Variants in SASH1 observed in about 807,000 individuals in gnomAD.
SASH1 encodes SAM and SH3 domain containing 1.
A neutral mutation model predicts 125.2 loss-of-function variants in SASH1; 44 were observed. The observed-to-expected ratio is 0.35, with a 90% confidence interval of 0.28 to 0.45. The LOEUF is 0.45. Among genes scored for constraint, SASH1 ranks in the 20% least tolerant of loss-of-function variants. The pLI is 1.00. For missense variants in SASH1, 1,426 were observed against 1,614.5 expected (o/e 0.88, Z 2.00); for synonymous variants, 639 against 649.1 (o/e 0.98, Z 0.24).
chr6:148,282,526 C>T (rs953719957), intron 1 of SASH1, among the ~76,000 whole-genome samples: 3 of 152,050 alleles, frequency 2.0e-5, no homozygotes, highest in Admixed American at 6.6e-5. Context: ...GGATTACAGG[C>T]GCCTGCCACC....
rs147745510 is a variant in SASH1, at chr6:148,461,100, C to T, written c.387-7445C>T. On this transcript the variant is annotated intron_variant, in intron 4 of 19. Coordinates refer to ENST00000367467, the MANE Select transcript of SASH1 (RefSeq NM_015278.5). ...GCGCAAAGCTCTTAACATTCACTGT[C>T]TCATGTGATCCTCTTAACAGTCCAT... Among the ~76,000 whole-genome samples the T allele has an allele frequency of 2.3e-3, 343 of 152,342 alleles. 2 individuals are homozygous for T. The highest frequency in any genetic ancestry group is 7.9e-3 in the African/African-American group (328 of 41,568).
intron 1 of SASH1, among the ~76,000 whole-genome samples, chr6:148,304,073 G>A (rs1404299130): frequency 6.6e-6 from 1 of 152,064 alleles, no homozygotes; most frequent in Non-Finnish European, 1.5e-5. Context: ...GAGAGGCCGA[G>A]GTGGGTGGAT....
At chr6:148,244,980 G>GAA in the SASH1 span, among the ~76,000 whole-genome samples, 3 of 151,594 alleles carry the variant, frequency 2.0e-5, no homozygotes, top group African/African-American at 7.3e-5. Context: ...GAGAGAGAGA[G>GAA]AGAGAGAAAG....
At chr6:148,358,266 G>A (rs934016455) in intron 1 of SASH1, among the ~76,000 whole-genome samples, 48 of 152,144 alleles carry the variant, frequency 3.2e-4, no homozygotes, top group African/African-American at 1.0e-3. Context: ...GTTGCTCAAG[G>A]ACTGTAGGTC....
chr6:148,488,769 G>T (rs897702323), intron 8 of SASH1, among the ~76,000 whole-genome samples: 6 of 152,152 alleles, frequency 3.9e-5, no homozygotes, highest in Admixed American at 3.9e-4. Context: ...GGCCATTTGT[G>T]TATCATCTTT....
rs542650488 is a variant in SASH1, at chr6:148,337,069, G to A, written n.75-53065G>A. On this transcript the variant is annotated intron_variant and non_coding_transcript_variant, in intron 1 of 3. Transcript: ENST00000367469. ...ACAGTTAAGAACAAGTTTTTGTTTT[G>A]TTTTGTTTGGGACAGAGTCTCGCTC... Among the ~76,000 whole-genome samples, 3 of 152,140 alleles carry A rather than the reference G, an allele frequency of 2.0e-5. No homozygotes were observed. In the East Asian group the frequency reaches 5.8e-4, roughly 29 times the overall value.
At chr6:148,246,120 TTCTCTCTCTCCCTG>T in the SASH1 span, among the ~76,000 whole-genome samples, 4 of 152,304 alleles carry the variant, frequency 2.6e-5, no homozygotes, top group South Asian at 6.2e-4. Context: ...CTCTTCTCTT[TTCTCTCTCTCCCTG>T]TCTCTCTCTC....
the SASH1 span, among the ~76,000 whole-genome samples, chr6:148,241,715 G>T: frequency 2.6e-5 from 4 of 152,142 alleles, no homozygotes; most frequent in Admixed American, 2.0e-4. Flanking sequence ...ACGCAATTGG[G>T]GTTCAAATCT....
intron 2 of SASH1, among the ~76,000 whole-genome samples, chr6:148,426,369 A>G (rs1432368396): frequency 6.6e-6 from 1 of 152,144 alleles, no homozygotes; most frequent in Admixed American, 6.5e-5. Flanking sequence ...TGCTCCCTGG[A>G]AGGCTTTCCC....
Position 148,548,749 on chromosome 6 carries a change from T to C in SASH1, c.*191T>C. ...CTCCAGAAAAGCCCCCTCGAGGAAA[T>C]AAATTAGTGCGGTTCTCTTTGACCC... On this transcript the variant is annotated 3_prime_UTR_variant, in exon 20 of 20. Transcript: ENST00000367467. The C allele has an allele frequency of 1.8e-6, 1 of 557,126 alleles. No homozygotes were observed. Among genetic ancestry groups the C allele is most frequent in the Non-Finnish European group, 3.0e-6 (1 of 330,360 alleles). 34.5% of individuals were successfully genotyped at this position (557,126 alleles called of 1,614,324 possible).
chr6:148,219,076 G>A, the SASH1 span, among the ~76,000 whole-genome samples: 1 of 152,156 alleles, frequency 6.6e-6, no homozygotes, highest in Non-Finnish European at 1.5e-5. Flanking sequence ...CTTGGTTATA[G>A]GAACAGTGTT....
intron 2 of SASH1, among the ~76,000 whole-genome samples, chr6:148,412,551 A>C (rs975745252): frequency 6.6e-6 from 1 of 152,234 alleles, no homozygotes; most frequent in East Asian, 1.9e-4. Context: ...TCTCATTGCT[A>C]TAAAGGAATA....
intron 2 of SASH1, among the ~76,000 whole-genome samples, chr6:148,435,664 A>C (rs570817324): frequency 2.6e-5 from 4 of 152,266 alleles, no homozygotes; most frequent in Non-Finnish European, 5.9e-5. Flanking sequence ...AGAAATGGTG[A>C]TATTTCATGA....
chr6:148,382,761 A>G (rs981921854), intron 1 of SASH1, among the ~76,000 whole-genome samples: 3 of 152,190 alleles, frequency 2.0e-5, no homozygotes, highest in Non-Finnish European at 4.4e-5. Context: ...TAGCATCACC[A>G]TGACCGTATA....
At chr6:148,355,976 TGAG>T (rs1311450925) in intron 1 of SASH1, among the ~76,000 whole-genome samples, 4 of 152,156 alleles carry the variant, frequency 2.6e-5, no homozygotes, top group Non-Finnish European at 5.9e-5. Context: ...ACCCATCACT[TGAG>T]GAGTGTACAC....
intron 1 of SASH1, among the ~76,000 whole-genome samples, chr6:148,389,897 C>T (rs1783628454): frequency 1.3e-5 from 2 of 152,292 alleles, no homozygotes; most frequent in South Asian, 4.2e-4. Context: ...TGTGGGCAGT[C>T]GCTCAACTTC....
At chr6:148,195,931 G>A in the SASH1 span, among the ~76,000 whole-genome samples, 2 of 152,142 alleles carry the variant, frequency 1.3e-5, no homozygotes, top group Admixed American at 1.3e-4. Flanking sequence ...CCTCTCCTGT[G>A]GTCAGCAGGT....
intron 8 of SASH1, chr6:148,513,766 G>A (rs1034481902): frequency 1.0e-6 from 1 of 985,790 alleles, no homozygotes. Context: ...AGAGGCGGAA[G>A]GGCTGGCTGC....
chr6:148,308,305 C>T (rs149896638), intron 1 of SASH1, among the ~76,000 whole-genome samples: 1,548 of 148,842 alleles, frequency 0.01, 25 homozygotes, highest in African/African-American at 0.037. Context: ...TAATGGGTAA[C>T]AATACGGCAT....
Sources: allele counts gnomAD v4.1 joint callset (sites outside exome capture counted in the v4.1 genomes callset), GRCh38; gene constraint gnomAD v4.1.1; transcripts MANE v1.5; gene names NCBI Gene and HGNC (gene_info 2026-07-23, HGNC 2026-07-21).